ALAD: variants seen among roughly 807,000 people sequenced by gnomAD.
ALAD encodes delta-aminolevulinic acid dehydratase.
Under a neutral mutation model 44.4 loss-of-function variants are expected in ALAD, and 20 were observed. That is an observed-to-expected ratio of 0.45 (90% CI 0.32 to 0.65). The LOEUF (loss-of-function observed/expected upper bound fraction) is 0.65, where lower values mean the gene tolerates loss of function less well. Ranked by LOEUF, ALAD falls within the 30% of genes least tolerant of loss-of-function variation. The probability of loss-of-function intolerance (pLI) is 0.05; values close to 1 mark genes in which losing one functional copy is unlikely to be tolerated. For missense variants in ALAD, 323 were observed against 445.7 expected, an observed-to-expected ratio of 0.72 and a Z score of 2.48; for synonymous variants, 156 against 167.9, an observed-to-expected ratio of 0.93 and a Z score of 0.55.
At chr9:113,390,285 G>T in intron 7 of ALAD, 120 bp downstream of exon 7, 1 of 1,044,312 alleles carries the variant, frequency 9.6e-7, no homozygotes, top group East Asian at 2.6e-5. Context: ...GCCTCCCAAA[G>T]TGCTGGGACT....
intron 1 of ALAD, among the ~76,000 whole-genome samples, chr9:113,397,821 C>T (rs1186767557): frequency 6.6e-6 from 1 of 152,010 alleles, no homozygotes; most frequent in Non-Finnish European, 1.5e-5. Context: ...GACAGGGTTT[C>T]GCCATGTTGG....
At chr9:113,388,596 A>G (rs1237148166) in intron 11 of ALAD, among the ~76,000 whole-genome samples, 1 of 152,230 alleles carries the variant, frequency 6.6e-6, no homozygotes, top group African/African-American at 2.4e-5. Context: ...GAAATAGGTA[A>G]GAGGCAAGTT....
intron 1 of ALAD, among the ~76,000 whole-genome samples, chr9:113,395,783 C>T (rs572341605): frequency 1.3e-4 from 20 of 152,182 alleles, no homozygotes; most frequent in African/African-American, 4.6e-4. Context: ...AGGCGCCAGG[C>T]GTAGTGGCTC....
At chr9:113,397,619 TC>T (rs779683564) in intron 1 of ALAD, among the ~76,000 whole-genome samples, 2 of 141,256 alleles carry the variant, frequency 1.4e-5, no homozygotes, top group East Asian at 2.0e-4. Context: ...TTTTTCCTTT[TC>T]TTTTTTTTTT....
At chr9:113,397,784 T>C (rs183027621) in intron 1 of ALAD, among the ~76,000 whole-genome samples, 15 of 152,090 alleles carry the variant, frequency 9.9e-5, no homozygotes, top group African/African-American at 2.4e-4. Context: ...ATGACCATGC[T>C]TGGCTAATTT....
At position 113,391,609 on chromosome 9, in the gene ALAD, C is replaced by T. The variant is rs200280568; in HGVS notation, c.179G>A (p.Arg60Gln). The change falls in exon 4 of 12, where the codon CGG (arginine) becomes CAG (glutamine). Residue 60 changes from arginine (R) to glutamine (Q), a missense_variant. By Grantham distance (43) the Arg-to-Gln change is conservative. Transcript: ENST00000409155. ...LPGVARYGVK[R>Q]LEEMLRPLVE... ...CAAGGGCCTCAGCATCTCTTCCAGCCGCTTCACACCATACCTGTGTGGGTG... is the reference window on the plus strand; with the variant it reads ...CAAGGGCCTCAGCATCTCTTCCAGCTGCTTCACACCATACCTGTGTGGGTG... 118 of 1,613,968 alleles carry T rather than the reference C, an allele frequency of 7.3e-5. 1 individual carries two copies. Among genetic ancestry groups the T allele is most frequent in the Admixed American group, 1.8e-4 (11 of 60,006 alleles).
chr9:113,396,233 C>T (rs1167716981), intron 1 of ALAD: 1 of 151,510 alleles, frequency 6.6e-6, no homozygotes, highest in South Asian at 2.1e-4. Flanking sequence ...AATAAAAATA[C>T]AAAAATTAGC....
intron 2 of ALAD, chr9:113,393,222 T>C (rs1564374422): frequency 6.7e-6 from 4 of 594,800 alleles, no homozygotes; most frequent in Non-Finnish European, 6.0e-6. Context: ...GCAAGGGTTA[T>C]TCTTCTAATT....
chr9:113,391,020 G>A (rs1827566927), intron 4 of ALAD, 87 bp from the exon 5 acceptor site: 3 of 1,550,738 alleles, frequency 1.9e-6, no homozygotes, highest in Non-Finnish European at 2.6e-6. Context: ...CATAGCCCTG[G>A]CCTTCTCCTT....
rs1827654370 is a variant in ALAD, at chr9:113,393,570, A to G, written c.-11T>C. The G allele has an allele frequency of 1.2e-6, 2 of 1,610,432 alleles. No individual in the cohort carries two copies. The highest frequency in any genetic ancestry group is 1.7e-6 in the Non-Finnish European group (2 of 1,177,714). Reference sequence around the variant, plus strand: ...GGACTGGGGCTGCATGGCGTGGGCCAGTGGGCACAGGGGCATCAGTTGGTT... The same window carrying G: ...GGACTGGGGCTGCATGGCGTGGGCCGGTGGGCACAGGGGCATCAGTTGGTT... On this transcript the variant is annotated 5_prime_UTR_variant, in exon 2 of 12. Transcript: ENST00000409155.
Position 113,387,801 on chromosome 9 carries a change from C to A in ALAD, c.*499G>T. 9.5e-6 allele frequency: 2 copies of A among 211,428 alleles called. No individual in the cohort carries two copies. Among genetic ancestry groups the A allele is most frequent in the East Asian group, 1.1e-4 (1 of 8,958 alleles). The allele number at this position is 211,428 out of a possible 1,614,324, so 13.1% of individuals were successfully genotyped here. A position where few individuals can be genotyped will look rare whatever the true frequency, so the allele number is the denominator to read the frequency against. The stretch of plus-strand genomic sequence containing the variant: ...CAGGCAGCCTGGCAACCTCTGGCCT[C>A]GTGGGAAATGCCTTCCAGTGGAATT... On this transcript the variant is annotated 3_prime_UTR_variant, in exon 12 of 12. Transcript: ENST00000409155.
intron 1 of ALAD, among the ~76,000 whole-genome samples, chr9:113,399,719 G>A (rs1827811833): frequency 1.3e-5 from 2 of 152,108 alleles, no homozygotes; most frequent in South Asian, 4.1e-4. Flanking sequence ...AGCTTCATGT[G>A]CCACCCCCCA....
chr9:113,389,311 C>T (rs1827502204), intron 10 of ALAD, 127 bp downstream of exon 10: 23 of 1,338,244 alleles, frequency 1.7e-5, no homozygotes, highest in Non-Finnish European at 2.0e-5. Flanking sequence ...ACGATGGTTC[C>T]TGGGCAGGGA....
chr9:113,392,144 T>C lies in ALAD; in HGVS notation c.139A>G (p.Ile47Val). The C allele has an allele frequency of 6.2e-7, 1 of 1,613,846 alleles. No individual in the cohort carries two copies. Among genetic ancestry groups the C allele is most frequent in the Non-Finnish European group, 8.5e-7 (1 of 1,179,918 alleles). Residue 47 changes from isoleucine to valine, a missense_variant, in exon 3 of 12, where the codon ATC becomes GTC. Ile to Val is a conservative substitution (Grantham distance 29). Transcript: ENST00000409155. Reference protein sequence around the residue: ...VTDVPDDIQPITSLPGVARYG... With the variant: ...VTDVPDDIQPVTSLPGVARYG... ...CTGGCCACTCCTGGGAGGCTGGTGA[T>C]AGGCTGTATGTCATCAGGAACATCC... is the stretch of plus-strand genomic sequence containing the variant.
chr9:113,393,766 A>C, intron 1 of ALAD, 132 bp from the exon 2 acceptor site: 1 of 533,688 alleles, frequency 1.9e-6, no homozygotes, highest in South Asian at 2.9e-5. Flanking sequence ...ATGGTTCACC[A>C]ATCCCTGCTG....
In ALAD at chr9:113,387,659, C is replaced by T. The variant is rs1052326104; in HGVS notation, c.*641G>A. The T allele has an allele frequency of 6.2e-6, 1 of 160,216 alleles. No individual in the cohort carries two copies. The allele number at this position is 160,216 out of a possible 1,614,324, so 9.9% of individuals were successfully genotyped here. On this transcript the variant is annotated 3_prime_UTR_variant, in exon 12 of 12. Transcript: ENST00000409155. Reference sequence around the variant, plus strand: ...ATAAAAAGTGTTTGTGGTGGTGGCACCTCTAGCAGTCAGGAACTCCCTCTT... The same window carrying T: ...ATAAAAAGTGTTTGTGGTGGTGGCATCTCTAGCAGTCAGGAACTCCCTCTT...
Position 113,389,440 on chromosome 9 carries a change from T to C in ALAD, c.799A>G (p.Lys267Glu). Reference sequence around the variant, plus strand: ...CTTTGCCTCGTACCTGTGCTCACCTTGTCCTTTACCTCCCGCACGATGTCC... The same window carrying C: ...CTTTGCCTCGTACCTGTGCTCACCTCGTCCTTTACCTCCCGCACGATGTCC... Reference protein sequence around the residue: ...YLDIVREVKDKHPDLPLAVYH... With the variant: ...YLDIVREVKDEHPDLPLAVYH... The change falls in exon 10 of 12, where the codon AAG (lysine) becomes GAG (glutamate). Residue 267 changes from lysine to glutamate, a missense_variant and splice_region_variant. Lys to Glu is a moderately conservative substitution (Grantham distance 56). Transcript: ENST00000409155. The C allele has an allele frequency of 1.2e-6, 2 of 1,613,364 alleles. No individual in the cohort carries two copies. The highest frequency in any genetic ancestry group is 1.7e-6 in the Non-Finnish European group (2 of 1,180,034).
chr9:113,389,965 T>A, intron 7 of ALAD, 137 bp from the exon 8 acceptor site: 3 of 1,058,774 alleles, frequency 2.8e-6, no homozygotes, highest in Non-Finnish European at 4.2e-6. Flanking sequence ...TGGGCTTGAT[T>A]TCCCTGCAGA....
intron 2 of ALAD, 73 bp downstream of exon 2, chr9:113,393,374 C>T (rs373870449): frequency 4.3e-6 from 6 of 1,392,996 alleles, no homozygotes; most frequent in South Asian, 2.3e-5. Context: ...GATGCCCGCT[C>T]CAGTCAACAC....
Sources: allele counts gnomAD v4.1 joint callset (sites outside exome capture counted in the v4.1 genomes callset), GRCh38; gene constraint gnomAD v4.1.1; transcripts MANE v1.5; gene names NCBI Gene and HGNC (gene_info 2026-07-23, HGNC 2026-07-21).